Variants in SIDT1 observed in about 807,000 individuals in gnomAD.
SIDT1 encodes the protein SID1 transmembrane family member 1, also known as SID1 transmembrane family, member 1.
A neutral mutation model predicts 107.5 loss-of-function variants in SIDT1; 101 were observed. That is an observed-to-expected ratio of 0.94 (90% confidence interval 0.80 to 1.11). The LOEUF is 1.11. Among genes scored for constraint, SIDT1 ranks in the 50% least tolerant of loss-of-function variants. SIDT1 has a pLI of 0.00. For synonymous variants in SIDT1, 395 were observed against 398.2 expected (o/e 0.99, Z 0.10); for missense variants, 1,076 against 1,058.2 (o/e 1.02, Z -0.23).
At chr3:113,563,498 TCTAA>T (rs1941624681) in intron 1 of SIDT1, among the ~76,000 whole-genome samples, 1 of 152,214 alleles carries the variant, frequency 6.6e-6, no homozygotes, top group South Asian at 2.1e-4. Context: ...AGCCTCTAGA[TCTAA>T]CTACCAGTTT....
chr3:113,547,518 T>C (rs1373926363), intron 1 of SIDT1, among the ~76,000 whole-genome samples: 1 of 152,134 alleles, frequency 6.6e-6, no homozygotes, highest in Non-Finnish European at 1.5e-5. Context: ...AACAAAGAAA[T>C]TTATTTTGCC....
chr3:113,566,557 T>C lies in SIDT1; in HGVS notation c.344+16T>C, dbSNP rs73854517. ...TCCAAGGACTGTAAGTGGGTTTTCTTCCAGGCAACTTCACTATGTTTAGTT... is the reference window on the plus strand; with the variant it reads ...TCCAAGGACTGTAAGTGGGTTTTCTCCCAGGCAACTTCACTATGTTTAGTT... On this transcript the variant is annotated intron_variant, in intron 2 of 24. Transcript: ENST00000264852. The C allele has an allele frequency of 8.9e-3, 14,410 of 1,610,520 alleles. 193 individuals carry two copies. The highest frequency in any genetic ancestry group is 0.056 in the African/African-American group (4,203 of 74,798).
intron 9 of SIDT1, among the ~76,000 whole-genome samples, chr3:113,590,796 A>G (rs1944089395): frequency 6.6e-6 from 1 of 152,274 alleles, no homozygotes; most frequent in African/African-American, 2.4e-5. Flanking sequence ...GCAAAACATC[A>G]TTGAAATAAA....
intron 1 of SIDT1, among the ~76,000 whole-genome samples, chr3:113,548,105 C>T (rs531208551): frequency 6.6e-6 from 1 of 152,030 alleles, no homozygotes; most frequent in African/African-American, 2.4e-5. Flanking sequence ...ACCCAGGATT[C>T]TAAAGTATTT....
intron 1 of SIDT1, among the ~76,000 whole-genome samples, chr3:113,547,844 G>C (rs924349864): frequency 6.6e-6 from 1 of 152,016 alleles, no homozygotes; most frequent in African/African-American, 2.4e-5. Context: ...CTCAAGACTG[G>C]CCAGGGGTGC....
chr3:113,582,411 G>A (rs1187757058), intron 6 of SIDT1, among the ~76,000 whole-genome samples: 1 of 152,086 alleles, frequency 6.6e-6, no homozygotes, highest in East Asian at 1.9e-4. Flanking sequence ...TTTTCTGTCA[G>A]GCTTTAATTT....
At chr3:113,563,836 A>G (rs765083206) in intron 1 of SIDT1, among the ~76,000 whole-genome samples, 3 of 152,234 alleles carry the variant, frequency 2.0e-5, no homozygotes, top group Non-Finnish European at 4.4e-5. Context: ...CAAGTGGCAT[A>G]ATGGTGTTGT....
intron 21 of SIDT1, chr3:113,619,954 A>G: frequency 2.2e-6 from 1 of 459,144 alleles, no homozygotes; most frequent in Non-Finnish European, 4.0e-6. Flanking sequence ...ACAAACATCA[A>G]AACTTGTTAA....
At chr3:113,552,277 T>C (rs1940343093) in intron 1 of SIDT1, among the ~76,000 whole-genome samples, 1 of 152,142 alleles carries the variant, frequency 6.6e-6, no homozygotes, top group South Asian at 2.1e-4. Context: ...TCAGACAATG[T>C]TCCTCTGGTT....
At chr3:113,546,558 G>T (rs910909983) in intron 1 of SIDT1, among the ~76,000 whole-genome samples, 1 of 151,946 alleles carries the variant, frequency 6.6e-6, no homozygotes, top group Non-Finnish European at 1.5e-5. Context: ...TTGGCTTTTT[G>T]GTTGTCATTT....
At chr3:113,602,910 C>T (rs977289325) in intron 11 of SIDT1, 95 bp from the exon 12 acceptor site, 1 of 1,320,186 alleles carries the variant, frequency 7.6e-7, no homozygotes, top group Non-Finnish European at 1.0e-6. Context: ...CACAGCATTT[C>T]CTAGAATGAG....
chr3:113,598,921 G>A (rs983035567), intron 10 of SIDT1, among the ~76,000 whole-genome samples: 1 of 152,240 alleles, frequency 6.6e-6, no homozygotes, highest in Non-Finnish European at 1.5e-5. Flanking sequence ...GAGTCAAGGA[G>A]TTGGAGGCCA....
chr3:113,536,900 G>A (rs1387552380), intron 1 of SIDT1, among the ~76,000 whole-genome samples: 1 of 152,360 alleles, frequency 6.6e-6, no homozygotes, highest in Non-Finnish European at 1.5e-5. Context: ...GCTATACTGT[G>A]CAAACAGGGT....
chr3:113,623,465 CT>C lies in SIDT1; in HGVS notation c.2131del (p.Ser711ProfsTer21). 1.2e-6 allele frequency: 2 copies of C among 1,614,142 alleles called. No individual in the cohort carries two copies. The highest frequency in any genetic ancestry group is 1.7e-6 in the Non-Finnish European group (2 of 1,179,974). On this transcript the variant is annotated frameshift_variant, in exon 22 of 25. Transcript: ENST00000264852. LOFTEE classifies it high-confidence loss of function. The stretch of plus-strand genomic sequence containing the variant: ...TTGATATACCGCCCCAGGGACTTTG[CT>C]TCCTACATGCTGGGCATCTTCATCT... The part of the protein sequence containing the change: ...FGLIYRPRDF[A>X]SYMLGIFICN...
chr3:113,577,738 A>C (rs1943016109), intron 4 of SIDT1, among the ~76,000 whole-genome samples: 1 of 152,258 alleles, frequency 6.6e-6, no homozygotes, highest in African/African-American at 2.4e-5. Flanking sequence ...CTTTGGTCAT[A>C]AATAGCTACT....
At chr3:113,548,735 C>T (rs1449474093) in intron 1 of SIDT1, among the ~76,000 whole-genome samples, 1 of 152,140 alleles carries the variant, frequency 6.6e-6, no homozygotes, top group Non-Finnish European at 1.5e-5. Flanking sequence ...CCCTTATCTT[C>T]CTGGCCACTT....
intron 1 of SIDT1, among the ~76,000 whole-genome samples, chr3:113,566,038 A>G (rs1244033090): frequency 6.6e-6 from 1 of 152,186 alleles, no homozygotes; most frequent in Non-Finnish European, 1.5e-5. Context: ...GTTCATTCTC[A>G]AAATCTTGTG....
intron 1 of SIDT1, among the ~76,000 whole-genome samples, chr3:113,545,149 G>A (rs1939446507): frequency 7.3e-6 from 1 of 137,322 alleles, no homozygotes; most frequent in African/African-American, 2.8e-5. Flanking sequence ...AAAGTCATTC[G>A]TGAAGTAATA....
chr3:113,551,555 A>G (rs7612448), intron 1 of SIDT1, among the ~76,000 whole-genome samples: 8,245 of 152,218 alleles, frequency 0.054, 377 homozygotes, highest in African/African-American at 0.12. Flanking sequence ...TAAATATCAT[A>G]TTTTCACAGT....
Sources: allele counts gnomAD v4.1 joint callset (sites outside exome capture counted in the v4.1 genomes callset), GRCh38; gene constraint gnomAD v4.1.1; transcripts MANE v1.5; gene names NCBI Gene and HGNC (gene_info 2026-07-23, HGNC 2026-07-21).